Variants in TCF7L1 observed in about 807,000 individuals in gnomAD.
TCF7L1 encodes transcription factor 7-like 1.
A neutral mutation model predicts 63.7 loss-of-function variants in TCF7L1; 18 were observed. The observed-to-expected ratio is 0.28, with a 90% CI of 0.20 to 0.42. TCF7L1 has a LOEUF of 0.42. TCF7L1 is among the 10% of genes least tolerant of loss of function. The pLI is 1.00. For synonymous variants in TCF7L1, 355 were observed against 340.9 expected, an observed-to-expected ratio of 1.04 and a Z score of -0.46; for missense variants, 654 against 779.3, an observed-to-expected ratio of 0.84 and a Z score of 1.91.
At chr2:85,188,168 A>C (rs138238506) in intron 3 of TCF7L1, among the ~76,000 whole-genome samples, 5 of 152,334 alleles carry the variant, frequency 3.3e-5, no homozygotes, top group African/African-American at 1.2e-4. Context: ...AAGGGGTAGC[A>C]TGAGAGAATC....
At chr2:85,262,606 C>CT in intron 3 of TCF7L1, among the ~76,000 whole-genome samples, 1 of 152,246 alleles carries the variant, frequency 6.6e-6, no homozygotes, top group East Asian at 1.9e-4. Context: ...CCAAGGAAGA[C>CT]TTTTTTTAAA....
intron 3 of TCF7L1, among the ~76,000 whole-genome samples, chr2:85,263,127 G>A (rs1281368991): frequency 6.6e-6 from 1 of 152,224 alleles, no homozygotes; most frequent in East Asian, 1.9e-4. Flanking sequence ...CAAAAGCATG[G>A]CAGCCTTTTG....
Position 85,134,987 on chromosome 2 carries a change from T to G in TCF7L1, c.441+537T>G, listed in dbSNP as rs562757805. Among the ~76,000 whole-genome samples the G allele has an allele frequency of 2.0e-5, 3 of 152,334 alleles. No homozygotes were observed. Among genetic ancestry groups the G allele is most frequent in the African/African-American group, 7.2e-5 (3 of 41,588 alleles). On this transcript the variant is annotated intron_variant, in intron 3 of 11. Transcript: ENST00000282111. The surrounding 1 kb of genome is among the most constrained non-coding windows in gnomAD (Gnocchi z 5.0). Reference sequence around the variant, plus strand: ...TTTCTGCGGAGCTAGCTCCGAATTTTAAACTCGCGTAGATGATTTCGAGGC... The same window carrying G: ...TTTCTGCGGAGCTAGCTCCGAATTTGAAACTCGCGTAGATGATTTCGAGGC...
Position 85,134,023 on chromosome 2 carries a change from G to A in TCF7L1, c.257G>A (p.Arg86Lys). Reference sequence around the variant, plus strand: ...TTTGTGTCTCCTCCGCAGGCGGAGAGGCGCCCGCAGCCCGTCCGGGACACT... The same window carrying A: ...TTTGTGTCTCCTCCGCAGGCGGAGAAGCGCCCGCAGCCCGTCCGGGACACT... ...QSSSSDSEAE[R>K]RPQPVRDTFQ... is the part of the protein sequence containing the mutation. The change falls in exon 2 of 12, where the codon AGG becomes AAG. Residue 86 changes from arginine to lysine, a missense_variant. Physicochemically the swap from Arg to Lys is conservative, Grantham distance 26. Coordinates refer to ENST00000282111, the MANE Select transcript of TCF7L1 (RefSeq NM_031283.3). The surrounding 1 kb of genome is among the most constrained non-coding windows in gnomAD (Gnocchi z 5.0). The A allele has an allele frequency of 6.2e-7, 1 of 1,609,748 alleles. No homozygotes were observed. The highest frequency in any genetic ancestry group is 1.1e-5 in the South Asian group (1 of 90,420).
At chr2:85,295,421 G>A (rs938770268) in intron 4 of TCF7L1, among the ~76,000 whole-genome samples, 2 of 151,920 alleles carry the variant, frequency 1.3e-5, no homozygotes, top group Admixed American at 6.6e-5. Context: ...GGCTGGTCTC[G>A]AACTCCCGAC....
chr2:85,161,618 G>C (rs924932620), intron 3 of TCF7L1, among the ~76,000 whole-genome samples: 2 of 152,224 alleles, frequency 1.3e-5, no homozygotes, highest in Non-Finnish European at 2.9e-5. Flanking sequence ...GGGGAGCCAG[G>C]TTAACACGTG....
In TCF7L1 at chr2:85,309,651, C is replaced by A. The variant is rs1682228542; in HGVS notation, c.*189C>A. On this transcript the variant is annotated 3_prime_UTR_variant, in exon 12 of 12. Transcript: ENST00000282111. Reference sequence around the variant, plus strand: ...CTGATCTTAAGGCTTTTTTAAAAAACAAAACAAAACAACAAAAAAAAATCT... The same window carrying A: ...CTGATCTTAAGGCTTTTTTAAAAAAAAAAACAAAACAACAAAAAAAAATCT... The A allele has an allele frequency of 4.0e-6, 2 of 502,874 alleles. No individual in the cohort carries two copies. The highest frequency in any genetic ancestry group is 6.6e-6 in the Non-Finnish European group (2 of 304,924). The allele number at this position is 502,874 out of a possible 1,614,324, so 31.2% of individuals were successfully genotyped here.
chr2:85,221,931 TA>T (rs58252836), intron 3 of TCF7L1, among the ~76,000 whole-genome samples: 100 of 141,996 alleles, frequency 7.0e-4, no homozygotes, highest in South Asian at 2.9e-3. Flanking sequence ...AATCCAGACT[TA>T]AAAAAAAAAA....
rs1682082463 is a variant in TCF7L1 at position 85,305,361 on chromosome 2, A to G, written c.947A>G (p.Lys316Arg). The G allele has an allele frequency of 6.2e-7, 1 of 1,613,578 alleles. No individual in the cohort carries two copies. Among genetic ancestry groups the G allele is most frequent in the African/African-American group, 1.3e-5 (1 of 74,824 alleles). The change falls in exon 8 of 12, where the codon AAG becomes AGG. Residue 316 changes from lysine to arginine, a missense_variant. Coordinates refer to ENST00000282111, the MANE Select transcript of TCF7L1 (RefSeq NM_031283.3). ...PHPAIVSPIV[K>R]QEPAPPSLSP... ...CCTGCCATCGTCTCCCCCATCGTCA[A>G]GCAGGAACCGGCACCCCCCAGCCTG... is the stretch of plus-strand genomic sequence containing the variant.
At chr2:85,305,118 C>T (rs1385491774) in intron 7 of TCF7L1, 142 bp from the exon 8 acceptor site, 22 of 1,145,256 alleles carry the variant, frequency 1.9e-5, no homozygotes, top group African/African-American at 3.1e-5. Flanking sequence ...TTCTAGAAGA[C>T]GACAAATAGC....
Position 85,133,865 on chromosome 2 carries a change from G to A in TCF7L1, c.181G>A (p.Asp61Asn). 1.3e-6 allele frequency: 2 copies of A among 1,519,982 alleles called. No homozygotes were observed. Among genetic ancestry groups the A allele is most frequent in the Non-Finnish European group, 1.8e-6 (2 of 1,133,704 alleles). The allele number at this position is 1,519,982 out of a possible 1,614,324, so 94.2% of individuals were successfully genotyped here. ...PSSDSASAQR[D>N]LDEVKSSLVN... ...CAGCGATAGCGCCTCGGCGCAGCGG[G>A]ACCTAGACGAGGTCAAGTCGTCCCT... is the stretch of plus-strand genomic sequence containing the variant. The change falls in exon 1 of 12, where the codon GAC becomes AAC. Residue 61 changes from aspartate to asparagine, a missense_variant. By Grantham distance (23) the Asp-to-Asn change is conservative (BLOSUM62 1). Around this residue, in one of 3 missense-constraint regions of TCF7L1, gnomAD observed 404 missense variants for 454.8 expected, o/e 0.89. Coordinates refer to ENST00000282111, the MANE Select transcript of TCF7L1 (RefSeq NM_031283.3). The surrounding 1 kb of genome is among the most constrained non-coding windows in gnomAD (Gnocchi z 4.4).
At position 85,268,950 on chromosome 2, in the gene TCF7L1, T is replaced by C. The variant is rs139276268; in HGVS notation, c.442-14545T>C. On this transcript the variant is annotated intron_variant, in intron 3 of 11. Transcript: ENST00000282111. ...CATTGCAAGACAGTGGTAGTTGAGA[T>C]TGAAAAAACACAGGACTTGATGGGC... is the stretch of plus-strand genomic sequence containing the variant. Among the ~76,000 whole-genome samples the C allele has an allele frequency of 9.0e-3, 1,370 of 151,696 alleles. 17 individuals are homozygous for C. The highest frequency in any genetic ancestry group is 0.032 in the African/African-American group (1,309 of 41,348).
At position 85,309,197 on chromosome 2, in the gene TCF7L1, A is replaced by G. The variant is rs780722670; in HGVS notation, c.1502A>G (p.Gln501Arg). 1.9e-6 allele frequency: 3 copies of G among 1,613,748 alleles called. No homozygotes were observed. The highest frequency in any genetic ancestry group is 2.7e-5 in the African/African-American group (2 of 74,798). ...APAATHSEQA[Q>R]PLSLTTKPET... The stretch of plus-strand genomic sequence containing the variant: ...GCTGCCACCCATTCGGAGCAAGCCC[A>G]GCCCCTCTCCCTCACCACCAAACCA... The change falls in exon 12 of 12, where the codon CAG (glutamine) becomes CGG (arginine). Residue 501 changes from glutamine (Q) to arginine (R), a missense_variant. Coordinates refer to ENST00000282111, the MANE Select transcript of TCF7L1 (RefSeq NM_031283.3).
intron 3 of TCF7L1, among the ~76,000 whole-genome samples, chr2:85,282,445 C>T (rs758941510): frequency 1.3e-5 from 2 of 152,250 alleles, no homozygotes; most frequent in Non-Finnish European, 1.5e-5. Context: ...TGTGCTTTTG[C>T]TCCTGGCAAA....
intron 3 of TCF7L1, among the ~76,000 whole-genome samples, chr2:85,157,021 TG>T (rs1678165842): frequency 6.6e-6 from 1 of 152,228 alleles, no homozygotes; most frequent in African/African-American, 2.4e-5. Flanking sequence ...AAGAATTATC[TG>T]GCCCCAAATG....
intron 3 of TCF7L1, among the ~76,000 whole-genome samples, chr2:85,144,713 C>CTG (rs1677828514): frequency 2.8e-5 from 4 of 140,802 alleles, no homozygotes; most frequent in East Asian, 2.2e-4. Flanking sequence ...CTTTCTCTCT[C>CTG]TCTCTCTGTG....
At chr2:85,199,333 C>T (rs993467184) in intron 3 of TCF7L1, among the ~76,000 whole-genome samples, 2 of 152,112 alleles carry the variant, frequency 1.3e-5, no homozygotes, top group Non-Finnish European at 1.5e-5. Flanking sequence ...GTGGAAGAGA[C>T]AATAAAATAA....
chr2:85,135,478 AG>A (rs1490507091), intron 3 of TCF7L1, among the ~76,000 whole-genome samples: 1 of 152,142 alleles, frequency 6.6e-6, no homozygotes, highest in Non-Finnish European at 1.5e-5. Context: ...ACGGTGGGTA[AG>A]GGGGCAGGGA....
chr2:85,148,734 A>G (rs1337249551), intron 3 of TCF7L1, among the ~76,000 whole-genome samples: 1 of 151,644 alleles, frequency 6.6e-6, no homozygotes, highest in African/African-American at 2.4e-5. Context: ...TATTTTAACC[A>G]GCATCTTAAC....
Sources: allele counts gnomAD v4.1 joint callset (sites outside exome capture counted in the v4.1 genomes callset), GRCh38; gene constraint gnomAD v4.1.1; regional missense constraint gnomAD v4.1.1; non-coding constraint Gnocchi (gnomAD v3.1); transcripts MANE v1.5; gene names NCBI Gene and HGNC (gene_info 2026-07-23, HGNC 2026-07-21).